Variants in TPCN1 observed in about 807,000 individuals in gnomAD.
The protein encoded by TPCN1 is two pore channel protein 1.
Under a neutral mutation model 108.8 loss-of-function variants are expected in TPCN1, and 52 were observed. The ratio of observed to expected loss-of-function variants is 0.48; its 90% CI spans 0.38 to 0.60. The LOEUF is 0.60. TPCN1 is among the 20% of genes least tolerant of loss of function. TPCN1 has a pLI of 0.00. For missense variants in TPCN1, 806 were observed against 1,072.8 expected (o/e 0.75, Z 3.47); for synonymous variants, 446 against 433.7 (o/e 1.03, Z -0.35).
chr12:113,266,425 A>G lies in TPCN1; in HGVS notation c.414+69A>G. The G allele has an allele frequency of 6.4e-7, 1 of 1,568,292 alleles. No homozygotes were observed. The highest frequency in any genetic ancestry group is 8.6e-7 in the Non-Finnish European group (1 of 1,158,178). On this transcript the variant is annotated intron_variant, in intron 4 of 27. Transcript: ENST00000335509. The surrounding 1 kb of genome is among the most constrained non-coding windows in gnomAD (Gnocchi z 4.2). ...TTTCAGGGCAAGCGATGGAACTCCA[A>G]AAAGGAACATTCTGGGAGGGCAAAC...
chr12:113,240,747 C>CTTT (rs112630841), intron 2 of TPCN1, among the ~76,000 whole-genome samples: 2 of 133,798 alleles, frequency 1.5e-5, no homozygotes, highest in Admixed American at 7.5e-5. Flanking sequence ...CCTGCCCATT[C>CTTT]TTTTTTTTTT....
At chr12:113,246,932 C>T (rs1346898069) in intron 2 of TPCN1, among the ~76,000 whole-genome samples, 3 of 152,184 alleles carry the variant, frequency 2.0e-5, no homozygotes, top group Non-Finnish European at 2.9e-5. Context: ...TAGGATGCTT[C>T]CTGTGCTTTC....
intron 2 of TPCN1, among the ~76,000 whole-genome samples, chr12:113,235,877 G>T (rs181887175): frequency 6.6e-6 from 1 of 152,318 alleles, no homozygotes; most frequent in African/African-American, 2.4e-5. Context: ...TGAGTGTGCT[G>T]AGTGTCTAAG....
rs151031699 is a variant in TPCN1, at chr12:113,246,760, C to T, written c.113-13608C>T. ...CCTTTCCAGCTGGCCTGGAAGAACC[C>T]GTTCTGCTCTGGGCAAGAACAGTGC... On this transcript the variant is annotated intron_variant, in intron 2 of 27. Transcript: ENST00000335509. Among the ~76,000 whole-genome samples the T allele has an allele frequency of 6.4e-3, 975 of 152,286 alleles. 4 individuals carry two copies. Among genetic ancestry groups the T allele is most frequent in the Non-Finnish European group, 0.011 (717 of 68,006 alleles).
At chr12:113,254,524 A>G (rs1227844802) in intron 2 of TPCN1, among the ~76,000 whole-genome samples, 3 of 152,238 alleles carry the variant, frequency 2.0e-5, no homozygotes, top group Non-Finnish European at 2.9e-5. Context: ...TCAAAAATCA[A>G]TCATTGTAAT....
At chr12:113,293,873 T>A (rs1956348361) in intron 27 of TPCN1, among the ~76,000 whole-genome samples, 1 of 152,208 alleles carries the variant, frequency 6.6e-6, no homozygotes, top group Admixed American at 6.5e-5. Flanking sequence ...AGTCTCGCTC[T>A]GTCTCCCAGG....
chr12:113,237,391 C>G (rs1206465916), intron 2 of TPCN1, among the ~76,000 whole-genome samples: 1 of 151,536 alleles, frequency 6.6e-6, no homozygotes, highest in Non-Finnish European at 1.5e-5. Flanking sequence ...GAGTCTTGCT[C>G]TGTTGCCCAG....
chr12:113,293,674 C>T (rs1186246855), intron 27 of TPCN1, among the ~76,000 whole-genome samples: 1 of 152,164 alleles, frequency 6.6e-6, no homozygotes, highest in Non-Finnish European at 1.5e-5. Flanking sequence ...ACACAGTGAG[C>T]AAAGAGGAAA....
chr12:113,252,258 T>G (rs1205278809), intron 2 of TPCN1, among the ~76,000 whole-genome samples: 1 of 151,654 alleles, frequency 6.6e-6, no homozygotes, highest in Non-Finnish European at 1.5e-5. Flanking sequence ...TTGCTGGGAG[T>G]GTCATTGAGG....
chr12:113,297,985 C>A lies in TPCN1; in HGVS notation c.*1909C>A, dbSNP rs1178080346. On this transcript the variant is annotated 3_prime_UTR_variant, in exon 28 of 28. Coordinates refer to ENST00000335509, the MANE Select transcript of TPCN1 (RefSeq NM_017901.6). This position sits in a 1 kb window ranked among gnomAD's most constrained non-coding sequence, Gnocchi z 4.4. ...TGGAAACGTGGAGGGGCCAGCAGCA[C>A]CCCGGGGTCTGCCCAGGGGAGTCAA... 6.6e-6 allele frequency: 1 copy of A among 152,324 alleles called. No homozygotes were observed. The highest frequency in any genetic ancestry group is 2.4e-5 in the African/African-American group (1 of 41,426). The allele number at this position is 152,324 out of a possible 1,614,324, so 9.4% of individuals were successfully genotyped here. A position where few individuals can be genotyped will look rare whatever the true frequency, so the allele number is the denominator to read the frequency against.
chr12:113,231,113 G>C lies in TPCN1; in HGVS notation c.112+4149G>C, dbSNP rs949128561. On this transcript the variant is annotated intron_variant, in intron 2 of 27. Transcript: ENST00000335509. This position sits in a 1 kb window ranked among gnomAD's most constrained non-coding sequence, Gnocchi z 4.3. ...CTGGGAACGAAGCAAGCTTTCTAAG[G>C]CTGAGTCACCATCAAGCCTGGCCTT... is the stretch of plus-strand genomic sequence containing the variant. 6.6e-6 allele frequency among the ~76,000 whole-genome samples: 1 copy of C among 152,236 alleles called. No homozygotes were observed. The highest frequency in any genetic ancestry group is 1.5e-5 in the Non-Finnish European group (1 of 68,042).
intron 19 of TPCN1, chr12:113,287,383 T>A (rs922860837): frequency 2.5e-5 from 10 of 404,786 alleles, no homozygotes; most frequent in Non-Finnish European, 4.5e-5. Context: ...GGAGCCCATA[T>A]GCTCAAGTCA....
intron 1 of TPCN1, 45 bp from the exon 2 acceptor site, chr12:113,226,683 G>A: frequency 7.1e-7 from 1 of 1,401,260 alleles, no homozygotes; most frequent in Non-Finnish European, 9.7e-7. Context: ...AGTCATGGCT[G>A]TATTTTAATA....
chr12:113,270,847 C>T (rs1955470626), intron 7 of TPCN1, among the ~76,000 whole-genome samples: 2 of 152,284 alleles, frequency 1.3e-5, no homozygotes, highest in East Asian at 1.9e-4. Flanking sequence ...CTCTTCACCT[C>T]CCACAGCCGC....
chr12:113,241,363 G>A (rs1014960172), intron 2 of TPCN1, among the ~76,000 whole-genome samples: 2 of 152,238 alleles, frequency 1.3e-5, no homozygotes, highest in Non-Finnish European at 2.9e-5. Context: ...TGCAGCAGCA[G>A]CAGCAGCAGA....
intron 2 of TPCN1, 63 bp downstream of exon 2, chr12:113,227,027 A>AAG: frequency 7.0e-7 from 1 of 1,428,126 alleles, no homozygotes; most frequent in African/African-American, 1.4e-5. Context: ...GAGAGGTGAT[A>AAG]AGCGCTTTGT....
chr12:113,267,489 C>T (rs1252596490), intron 4 of TPCN1, among the ~76,000 whole-genome samples: 2 of 151,906 alleles, frequency 1.3e-5, no homozygotes, highest in African/African-American at 4.8e-5. Context: ...ACATCTGCCT[C>T]CTGTGCTCAA....
chr12:113,273,397 T>C lies in TPCN1; in HGVS notation c.842+107T>C. On this transcript the variant is annotated intron_variant, in intron 9 of 27. Coordinates refer to ENST00000335509, the MANE Select transcript of TPCN1 (RefSeq NM_017901.6). This position sits in a 1 kb window ranked among gnomAD's most constrained non-coding sequence, Gnocchi z 4.0. ...ATCCCAGCACAGGCAGGTGCTGTGG[T>C]GCTATTGGGAGACAGGGTTGGCCCA... The C allele has an allele frequency of 7.3e-7, 1 of 1,375,768 alleles. No homozygotes were observed. The allele number at this position is 1,375,768 out of a possible 1,614,324, so 85.2% of individuals were successfully genotyped here.
Position 113,296,134 on chromosome 12 carries a change from G to T in TPCN1, c.*58G>T. On this transcript the variant is annotated 3_prime_UTR_variant, in exon 28 of 28. Transcript: ENST00000335509. The stretch of plus-strand genomic sequence containing the variant: ...TAACACAATAGTATTACTCTACTGC[G>T]ATGTACGGAACTGCGGTGTGTGTAC... The T allele has an allele frequency of 6.3e-7, 1 of 1,590,288 alleles. No individual in the cohort carries two copies. Among genetic ancestry groups the T allele is most frequent in the East Asian group, 2.3e-5 (1 of 44,346 alleles).
Sources: gnomAD v4.1 joint callset for allele counts (sites outside exome capture counted in the v4.1 genomes callset) on GRCh38, gnomAD v4.1.1 for gene constraint, Gnocchi (gnomAD v3.1) non-coding constraint, MANE v1.5 for transcripts, NCBI Gene and HGNC (gene_info 2026-07-23, HGNC 2026-07-21) for gene names.